Variants in PRKN observed in about 807,000 individuals in gnomAD.
The protein encoded by PRKN is parkin RBR E3 ubiquitin protein ligase.
In PRKN, 56 loss-of-function variants were observed where a neutral mutation model predicts 59.5. The ratio of observed to expected loss-of-function variants is 0.94; its 90% CI spans 0.76 to 1.18. The LOEUF (loss-of-function observed/expected upper bound fraction) is 1.18, where lower values mean the gene tolerates loss of function less well. Among genes scored for constraint, PRKN ranks in the 50% most tolerant of loss-of-function variants. The pLI is 0.00. For missense variants in PRKN, 657 were observed against 596.4 expected (o/e 1.10, Z -1.06); for synonymous variants, 250 against 222.1 (o/e 1.13, Z -1.12).
At position 161,356,494 on chromosome 6, in the gene PRKN, T is replaced by C. The variant is rs530913785; in HGVS notation, c.1285+3594A>G. ...GTCTATGTAGAGGACGGATCATAAA[T>C]ATGCGAGAGTGGAGGCGAGAGCCCT... On this transcript the variant is annotated intron_variant, in intron 11 of 11. Coordinates refer to ENST00000366898, the MANE Select transcript of PRKN (RefSeq NM_004562.3). The surrounding 1 kb of genome is among the most constrained non-coding windows in gnomAD (Gnocchi z 7.8). Among the ~76,000 whole-genome samples the C allele has an allele frequency of 6.6e-6, 1 of 152,200 alleles. No homozygotes were observed. Among genetic ancestry groups the C allele is most frequent in the East Asian group, 1.9e-4 (1 of 5,162 alleles).
At chr6:162,330,776 G>A (rs1248721530) in intron 2 of PRKN, among the ~76,000 whole-genome samples, 1 of 152,206 alleles carries the variant, frequency 6.6e-6, no homozygotes, top group Non-Finnish European at 1.5e-5. Context: ...GAAGGTGCAT[G>A]TGTGAAAGTG....
rs117037017 is a variant in PRKN at position 161,789,693 on chromosome 6, C to T, written c.735-3785G>A. ...ACTTTTGTTTAAAGTGTTTCATATACTCCTTCCTTAGCTATCAACATTAAA... is the reference window on the plus strand; with the variant it reads ...ACTTTTGTTTAAAGTGTTTCATATATTCCTTCCTTAGCTATCAACATTAAA... On this transcript the variant is annotated intron_variant, in intron 6 of 11. Coordinates refer to ENST00000366898, the MANE Select transcript of PRKN (RefSeq NM_004562.3). Among the ~76,000 whole-genome samples the T allele has an allele frequency of 5.9e-3, 906 of 152,300 alleles. 8 individuals carry two copies. Among genetic ancestry groups the T allele is most frequent in the Non-Finnish European group, 9.7e-3 (660 of 68,040 alleles).
At chr6:162,365,476 T>C (rs1785387454) in intron 2 of PRKN, among the ~76,000 whole-genome samples, 1 of 152,178 alleles carries the variant, frequency 6.6e-6, no homozygotes, top group East Asian at 1.9e-4. Context: ...ACTTCAAGCT[T>C]TTTACTATAG....
intron 2 of PRKN, among the ~76,000 whole-genome samples, chr6:162,375,065 C>G (rs1785987741): frequency 6.6e-6 from 1 of 151,854 alleles, no homozygotes; most frequent in Non-Finnish European, 1.5e-5. Context: ...AGAATTTAGT[C>G]TTTTGTGTAA....
chr6:162,063,357 T>C (rs77775981), intron 4 of PRKN, among the ~76,000 whole-genome samples: 1,726 of 152,278 alleles, frequency 0.011, 31 homozygotes, highest in African/African-American at 0.04. Flanking sequence ...AATAATTATA[T>C]AAAACGATGG....
chr6:162,458,701 C>A (rs1230990938), intron 1 of PRKN, among the ~76,000 whole-genome samples: 5 of 147,140 alleles, frequency 3.4e-5, no homozygotes, highest in Admixed American at 6.8e-5. Context: ...TTTTAAATAT[C>A]CATAAATTTT....
chr6:162,633,730 G>A (rs1777604576), intron 1 of PRKN, among the ~76,000 whole-genome samples: 1 of 151,972 alleles, frequency 6.6e-6, no homozygotes, highest in Non-Finnish European at 1.5e-5. Context: ...TGGGATGACA[G>A]AATAACATGA....
intron 2 of PRKN, among the ~76,000 whole-genome samples, chr6:162,380,752 C>T (rs1786436773): frequency 6.6e-6 from 1 of 151,820 alleles, no homozygotes; most frequent in African/African-American, 2.4e-5. Context: ...AAAATTCCAC[C>T]TTGCAGCATT....
intron 9 of PRKN, among the ~76,000 whole-genome samples, chr6:161,521,536 T>C (rs1025940646): frequency 1.3e-5 from 2 of 152,218 alleles, no homozygotes; most frequent in African/African-American, 4.8e-5. Flanking sequence ...CTGAATAAAC[T>C]CTGCCCTCAA....
chr6:162,352,764 G>A (rs577382036), intron 2 of PRKN, among the ~76,000 whole-genome samples: 1 of 152,096 alleles, frequency 6.6e-6, no homozygotes, highest in African/African-American at 2.4e-5. Context: ...ATCGAGAAAG[G>A]ACAGAGAGAG....
chr6:162,240,074 C>T (rs894942954), intron 3 of PRKN, among the ~76,000 whole-genome samples: 2 of 152,204 alleles, frequency 1.3e-5, no homozygotes, highest in South Asian at 2.1e-4. Flanking sequence ...CATTTGTTCA[C>T]GAATGTCAAT....
At chr6:161,949,953 C>G (rs1779925537) in intron 6 of PRKN, among the ~76,000 whole-genome samples, 1 of 152,174 alleles carries the variant, frequency 6.6e-6, no homozygotes, top group Admixed American at 6.5e-5. Context: ...TGCAAAGCAT[C>G]TCCTCATGGG....
At chr6:161,666,736 T>C (rs547370623) in intron 7 of PRKN, among the ~76,000 whole-genome samples, 1 of 152,364 alleles carries the variant, frequency 6.6e-6, no homozygotes, top group South Asian at 2.1e-4. Flanking sequence ...CTGTCCTGAA[T>C]GATATAAGAC....
At chr6:162,403,441 G>A (rs1231137946) in intron 2 of PRKN, among the ~76,000 whole-genome samples, 1 of 152,206 alleles carries the variant, frequency 6.6e-6, no homozygotes, top group Admixed American at 6.5e-5. Flanking sequence ...TATCCCCAGC[G>A]AGTTTTATTT....
At chr6:161,727,786 C>T (rs74905291) in intron 7 of PRKN, among the ~76,000 whole-genome samples, 2,699 of 152,282 alleles carry the variant, frequency 0.018, 77 homozygotes, top group African/African-American at 0.056. Flanking sequence ...AAGGCTGTCA[C>T]TATGCAACTT....
intron 2 of PRKN, among the ~76,000 whole-genome samples, chr6:162,421,572 G>C (rs754232370): frequency 2.6e-5 from 4 of 152,128 alleles, no homozygotes; most frequent in Non-Finnish European, 5.9e-5. Context: ...TTCTCAATGA[G>C]TCCATCAATT....
chr6:161,704,528 C>G lies in PRKN; in HGVS notation c.871+81244G>C, dbSNP rs1786400735. Among the ~76,000 whole-genome samples, 8 of 152,280 alleles carry G rather than the reference C, an allele frequency of 5.3e-5. No individual in the cohort carries two copies. The South Asian group carries it at 1.7e-3, about 32-fold the overall frequency. ...GTTACTCTGGGATTCGTTTCGTGCC[C>G]TTTTTACAGTCTTGTCCCACAGGTC... On this transcript the variant is annotated intron_variant, in intron 7 of 11. Transcript: ENST00000366898.
At chr6:162,549,003 A>G (rs999369412) in intron 1 of PRKN, among the ~76,000 whole-genome samples, 1 of 151,702 alleles carries the variant, frequency 6.6e-6, no homozygotes, top group African/African-American at 2.4e-5. Flanking sequence ...TGAGGCTGTT[A>G]TGGACTCAAT....
At chr6:162,512,677 T>G (rs1213481750) in intron 1 of PRKN, among the ~76,000 whole-genome samples, 1 of 152,198 alleles carries the variant, frequency 6.6e-6, no homozygotes, top group African/African-American at 2.4e-5. Flanking sequence ...AAGCAACTGA[T>G]CTAAGTATGA....
Sources: gnomAD v4.1 joint callset for allele counts (sites outside exome capture counted in the v4.1 genomes callset) on GRCh38, gnomAD v4.1.1 for gene constraint, Gnocchi (gnomAD v3.1) non-coding constraint, MANE v1.5 for transcripts, NCBI Gene and HGNC (gene_info 2026-07-23, HGNC 2026-07-21) for gene names.